The following AIM2 variants were observed in gnomAD, a reference collection of about 807,000 sequenced individuals.
AIM2 encodes interferon-inducible protein AIM2.
Under a neutral mutation model 27.7 loss-of-function variants are expected in AIM2, and 30 were observed. The observed-to-expected ratio is 1.08, with a 90% CI of 0.81 to 1.47. The LOEUF (loss-of-function observed/expected upper bound fraction) is 1.47, where lower values mean the gene tolerates loss of function less well. AIM2 is among the 40% of genes most tolerant of loss of function. The pLI, the probability that AIM2 is intolerant of heterozygous loss-of-function variation, is 0.00. For synonymous variants in AIM2, 141 were observed against 145.3 expected, an observed-to-expected ratio of 0.97 and a Z score of 0.21; for missense variants, 358 against 411.3, an observed-to-expected ratio of 0.87 and a Z score of 1.12.
chr1:159,119,433 G>A lies in AIM2; in HGVS notation c.-16+20998C>T, dbSNP rs141748535. 2.7e-3 allele frequency among the ~76,000 whole-genome samples: 406 copies of A among 151,598 alleles called. 4 individuals carry two copies. Among genetic ancestry groups the A allele is most frequent in the African/African-American group, 9.3e-3 (384 of 41,326 alleles). The stretch of plus-strand genomic sequence containing the variant: ...TGTCATTTTGGACTTGGACATTTTT[G>A]TTAATATGATCAATCACAAACATTA... On this transcript the variant is annotated intron_variant, in intron 1 of 2. Coordinates refer to the AIM2 transcript ENST00000368129.
intron 1 of AIM2, among the ~76,000 whole-genome samples, chr1:159,115,960 T>G (rs905621380): frequency 2.6e-5 from 4 of 152,058 alleles, no homozygotes; most frequent in African/African-American, 9.7e-5. Flanking sequence ...ATCCAGAATC[T>G]ACAATGAACT....
At chr1:159,084,014 G>A (rs1042738513) in intron 1 of AIM2, among the ~76,000 whole-genome samples, 1 of 152,186 alleles carries the variant, frequency 6.6e-6, no homozygotes, top group African/African-American at 2.4e-5. Context: ...ATAAGTGAGA[G>A]ATCTTTTTCA....
At chr1:159,114,970 G>A (rs1171499096) in intron 1 of AIM2, among the ~76,000 whole-genome samples, 5 of 152,060 alleles carry the variant, frequency 3.3e-5, no homozygotes, top group Non-Finnish European at 2.9e-5. Context: ...AAGCTGATAG[G>A]CAACTTCAGC....
At chr1:159,126,556 G>A (rs1409807543) in intron 1 of AIM2, among the ~76,000 whole-genome samples, 1 of 150,938 alleles carries the variant, frequency 6.6e-6, no homozygotes, top group South Asian at 2.1e-4. Flanking sequence ...GGCTGAGGCA[G>A]GAGAATGGCG....
upstream of AIM2, among the ~76,000 whole-genome samples, chr1:159,143,183 C>T (rs536199939): frequency 1.3e-4 from 20 of 152,334 alleles, no homozygotes; most frequent in African/African-American, 4.8e-4. Flanking sequence ...CTTCCCTACC[C>T]ATTCATATAG....
At chr1:159,090,004 C>A (rs775425721) in intron 1 of AIM2, among the ~76,000 whole-genome samples, 2 of 152,202 alleles carry the variant, frequency 1.3e-5, no homozygotes, top group Non-Finnish European at 2.9e-5. Flanking sequence ...AGGTTGCATC[C>A]TTCCATGGAG....
chr1:159,133,550 T>C (rs897297561), intron 1 of AIM2, among the ~76,000 whole-genome samples: 1 of 152,200 alleles, frequency 6.6e-6, no homozygotes, highest in Non-Finnish European at 1.5e-5. Context: ...ACTCCCTCCA[T>C]CTGCTTTTTT....
At chr1:159,108,903 C>T (rs1347958162) in intron 1 of AIM2, among the ~76,000 whole-genome samples, 1 of 152,112 alleles carries the variant, frequency 6.6e-6, no homozygotes, top group Non-Finnish European at 1.5e-5. Flanking sequence ...ACGACACACA[C>T]AAATGGAAAC....
intron 1 of AIM2, among the ~76,000 whole-genome samples, chr1:159,116,147 CT>C (rs1647341753): frequency 6.6e-6 from 1 of 151,418 alleles, no homozygotes; most frequent in African/African-American, 2.4e-5. Flanking sequence ...CATCTCACAC[CT>C]GTTAGAATGG....
At chr1:159,142,691 G>A (rs1246114394), upstream of AIM2, among the ~76,000 whole-genome samples, 1 of 152,262 alleles carries the variant, frequency 6.6e-6, no homozygotes, top group East Asian at 1.9e-4. Flanking sequence ...ACCCAGCTCA[G>A]ATCCAAGAAA....
intron 1 of AIM2, among the ~76,000 whole-genome samples, chr1:159,093,902 T>TA (rs1657110053): frequency 2.9e-5 from 1 of 34,404 alleles, no homozygotes. Flanking sequence ...TGCCTGGATA[T>TA]TTTTTTTTTT....
At chr1:159,082,408 G>A (rs56077216) in intron 1 of AIM2, among the ~76,000 whole-genome samples, 3,840 of 152,220 alleles carry the variant, frequency 0.025, 70 homozygotes, top group Non-Finnish European at 0.037. Context: ...CTGGAGGCTG[G>A]GAAGTCCAAG....
chr1:159,141,188 T>C (rs180981054), upstream of AIM2, among the ~76,000 whole-genome samples: 220 of 152,286 alleles, frequency 1.4e-3, no homozygotes, highest in African/African-American at 5.1e-3. Flanking sequence ...ATGATAACCC[T>C]GGTCAAGGAA....
intron 1 of AIM2, among the ~76,000 whole-genome samples, chr1:159,125,896 A>G (rs1256501239): frequency 6.6e-6 from 1 of 151,352 alleles, no homozygotes; most frequent in Non-Finnish European, 1.5e-5. Flanking sequence ...TTTGTGGACA[A>G]GAGATTAGAA....
intron 1 of AIM2, among the ~76,000 whole-genome samples, chr1:159,125,545 A>C (rs1489015379): frequency 6.6e-6 from 1 of 152,236 alleles, no homozygotes; most frequent in African/African-American, 2.4e-5. Flanking sequence ...AGGGCCACGG[A>C]AAGCCAGAGA....
At chr1:159,112,934 C>CATATACATATATATATATAT (rs150944997) in intron 1 of AIM2, among the ~76,000 whole-genome samples, 1 of 146,504 alleles carries the variant, frequency 6.8e-6, no homozygotes, top group African/African-American at 2.6e-5. Flanking sequence ...TATATACATA[C>CATATACATATATATATATAT]ATATATATAT....
intron 1 of AIM2, among the ~76,000 whole-genome samples, chr1:159,108,799 C>CAAAAT (rs756847948): frequency 1.1e-4 from 17 of 152,038 alleles, no homozygotes; most frequent in Middle Eastern, 3.4e-3. Flanking sequence ...ACAACAGCTG[C>CAAAAT]AAAATAAAAT....
At chr1:159,143,256 G>C (rs923762055), upstream of AIM2, among the ~76,000 whole-genome samples, 1 of 152,144 alleles carries the variant, frequency 6.6e-6, no homozygotes, top group African/African-American at 2.4e-5. Context: ...AGGAATATAA[G>C]CAAAAGGCTC....
At chr1:159,090,502 T>C (rs1039748998) in intron 1 of AIM2, among the ~76,000 whole-genome samples, 2 of 152,240 alleles carry the variant, frequency 1.3e-5, no homozygotes, top group African/African-American at 2.4e-5. Flanking sequence ...ATTGTAATTG[T>C]CATCACGCCA....
Sources: gnomAD v4.1 joint callset for allele counts (sites outside exome capture counted in the v4.1 genomes callset) on GRCh38, gnomAD v4.1.1 for gene constraint, MANE v1.5 for transcripts, NCBI Gene and HGNC (gene_info 2026-07-23, HGNC 2026-07-21) for gene names.